ADAMTS17: variants seen among roughly 807,000 people sequenced by gnomAD.
ADAMTS17 encodes A disintegrin and metalloproteinase with thrombospondin motifs 17.
In ADAMTS17, 113 loss-of-function variants were observed where a neutral mutation model predicts 141.5. The observed-to-expected ratio is 0.80, with a 90% confidence interval of 0.69 to 0.93. The LOEUF (loss-of-function observed/expected upper bound fraction) is 0.93. Among genes scored for constraint, ADAMTS17 ranks in the 40% least tolerant of loss-of-function variants. ADAMTS17 has a pLI of 0.00. For synonymous variants in ADAMTS17, 768 were observed against 630.6 expected (o/e 1.22, Z -3.27); for missense variants, 1,659 against 1,517.9 (o/e 1.09, Z -1.54).
intron 3 of ADAMTS17, among the ~76,000 whole-genome samples, chr15:100,289,600 A>G (rs1017469483): frequency 6.6e-6 from 1 of 152,094 alleles, no homozygotes; most frequent in Non-Finnish European, 1.5e-5. Context: ...TGATGAACAC[A>G]GATGCAAAAA....
intron 3 of ADAMTS17, among the ~76,000 whole-genome samples, chr15:100,330,267 C>T (rs1196505175): frequency 4.6e-5 from 7 of 152,214 alleles, no homozygotes; most frequent in African/African-American, 1.7e-4. Flanking sequence ...TGTTGGGGGA[C>T]AGGCCAGTGC....
In ADAMTS17 at chr15:100,340,256, A is replaced by C. The variant is rs1266451737; in HGVS notation, c.450+783T>G. On this transcript the variant is annotated intron_variant, in intron 2 of 21. Coordinates refer to ENST00000268070, the MANE Select transcript of ADAMTS17 (RefSeq NM_139057.4). Reference sequence around the variant, plus strand: ...GTGCGCGCAGGCAGGGCAAGTGCACACAAGAACCCCCCCTCCCCCTGGGAG... The same window carrying C: ...GTGCGCGCAGGCAGGGCAAGTGCACCCAAGAACCCCCCCTCCCCCTGGGAG... Among the ~76,000 whole-genome samples the C allele has an allele frequency of 2.6e-5, 4 of 152,328 alleles. No individual in the cohort carries two copies. In the South Asian group the frequency reaches 6.2e-4, roughly 24 times the overall value.
chr15:100,020,934 TG>T (rs2061395641), intron 18 of ADAMTS17, among the ~76,000 whole-genome samples: 1 of 152,230 alleles, frequency 6.6e-6, no homozygotes, highest in Non-Finnish European at 1.5e-5. Flanking sequence ...TGCTTCCTCC[TG>T]GGCTTCTCCA....
chr15:100,001,220 A>G (rs1439128709), intron 18 of ADAMTS17, among the ~76,000 whole-genome samples: 3 of 152,214 alleles, frequency 2.0e-5, no homozygotes, highest in Non-Finnish European at 4.4e-5. Flanking sequence ...TTACCCCTGA[A>G]TCTAGAATCA....
intron 8 of ADAMTS17, 148 bp downstream of exon 8, chr15:100,199,170 G>A: frequency 1.3e-6 from 1 of 749,582 alleles, no homozygotes; most frequent in Non-Finnish European, 2.4e-6. Flanking sequence ...CTGAGGGTTT[G>A]GACCCTAGTG....
At chr15:100,339,931 G>C (rs979506326) in intron 2 of ADAMTS17, among the ~76,000 whole-genome samples, 2 of 152,312 alleles carry the variant, frequency 1.3e-5, no homozygotes, top group Admixed American at 6.5e-5. Flanking sequence ...GTAGATTCTC[G>C]AGGACTCGCC....
chr15:100,045,173 T>C (rs950176507), intron 18 of ADAMTS17, among the ~76,000 whole-genome samples: 4 of 152,156 alleles, frequency 2.6e-5, no homozygotes, highest in Non-Finnish European at 5.9e-5. Flanking sequence ...TAATATATTT[T>C]GTTTGTCCTA....
At chr15:100,123,318 G>C (rs748789805) in intron 12 of ADAMTS17, among the ~76,000 whole-genome samples, 8 of 152,196 alleles carry the variant, frequency 5.3e-5, no homozygotes, top group Non-Finnish European at 1.0e-4. Flanking sequence ...AGACTAAAAC[G>C]ACAGAAAGAC....
At chr15:100,247,738 G>A (rs577559107) in intron 7 of ADAMTS17, among the ~76,000 whole-genome samples, 7 of 152,094 alleles carry the variant, frequency 4.6e-5, no homozygotes, top group South Asian at 4.2e-4. Flanking sequence ...ACACAACACC[G>A]TCCATTACCC....
At chr15:100,225,691 G>A (rs2042279818) in intron 7 of ADAMTS17, among the ~76,000 whole-genome samples, 1 of 149,540 alleles carries the variant, frequency 6.7e-6, no homozygotes, top group Non-Finnish European at 1.5e-5. Context: ...AGCAGTCACG[G>A]TCTCTGTGCC....
At chr15:100,088,521 C>T (rs1487650061) in intron 15 of ADAMTS17, among the ~76,000 whole-genome samples, 40 of 151,964 alleles carry the variant, frequency 2.6e-4, no homozygotes, top group Middle Eastern at 3.2e-3. Context: ...AAAAATAGCC[C>T]GCATCGCCAA....
chr15:100,098,570 GGA>G (rs1254510807), intron 14 of ADAMTS17, among the ~76,000 whole-genome samples: 2 of 152,090 alleles, frequency 1.3e-5, no homozygotes, highest in Non-Finnish European at 2.9e-5. Context: ...GGCTGAGGCA[GGA>G]GAGTAGCTTG....
intron 3 of ADAMTS17, 137 bp downstream of exon 3, chr15:100,330,752 C>G: frequency 9.0e-7 from 1 of 1,117,116 alleles, no homozygotes. Context: ...AGGAAGTGGT[C>G]TCAGGGCAAT....
intron 20 of ADAMTS17, chr15:99,979,093 C>G (rs888965874): frequency 1.3e-5 from 2 of 152,174 alleles, no homozygotes; most frequent in South Asian, 4.1e-4. Context: ...GGCTTTCAGT[C>G]AAAATTCTTT....
At chr15:100,057,840 GGA>G (rs1033566002) in intron 15 of ADAMTS17, among the ~76,000 whole-genome samples, 3 of 152,038 alleles carry the variant, frequency 2.0e-5, no homozygotes, top group African/African-American at 7.3e-5. Context: ...GTGCCAGTGC[GGA>G]GAGAAACCGT....
At position 100,070,729 on chromosome 15, in the gene ADAMTS17, A is replaced by T. The variant is rs1357384723; in HGVS notation, c.2138-16675T>A. Among the ~76,000 whole-genome samples the T allele has an allele frequency of 2.0e-5, 3 of 149,990 alleles. 1 individual carries two copies. The highest frequency in any genetic ancestry group is 4.4e-5 in the Non-Finnish European group (3 of 67,454). On this transcript the variant is annotated intron_variant, in intron 15 of 21. Coordinates refer to ENST00000268070, the MANE Select transcript of ADAMTS17 (RefSeq NM_139057.4). ...GACACAACATACCAGAATCTCTGGGACACATTTAAAGCAGTGTGTAGAGGG... is the reference window on the plus strand; with the variant it reads ...GACACAACATACCAGAATCTCTGGGTCACATTTAAAGCAGTGTGTAGAGGG...
At chr15:100,173,697 T>C (rs2040238911) in intron 8 of ADAMTS17, among the ~76,000 whole-genome samples, 2 of 152,236 alleles carry the variant, frequency 1.3e-5, no homozygotes, top group South Asian at 4.1e-4. Context: ...TCGATTACAC[T>C]GTAAGCATCC....
intron 3 of ADAMTS17, among the ~76,000 whole-genome samples, chr15:100,328,657 G>A (rs941746558): frequency 6.6e-6 from 1 of 152,072 alleles, no homozygotes; most frequent in Non-Finnish European, 1.5e-5. Context: ...CCTCATTAAA[G>A]GCTAAACAGT....
At chr15:100,223,019 G>A (rs185224669) in intron 7 of ADAMTS17, among the ~76,000 whole-genome samples, 72 of 152,250 alleles carry the variant, frequency 4.7e-4, no homozygotes, top group Admixed American at 2.4e-3. Context: ...AACACTCAGC[G>A]CTCTCACCCT....
Sources: gnomAD v4.1 joint callset for allele counts (sites outside exome capture counted in the v4.1 genomes callset) on GRCh38, gnomAD v4.1.1 for gene constraint, MANE v1.5 for transcripts, NCBI Gene and HGNC (gene_info 2026-07-23, HGNC 2026-07-21) for gene names.